The following NUDT13 variants were observed in gnomAD, a reference collection of about 807,000 sequenced individuals.
NUDT13 encodes the protein NAD(P)H pyrophosphatase NUDT13, mitochondrial.
NUDT13 carries 40 observed loss-of-function variants against 41.7 expected under a neutral mutation model. The observed-to-expected ratio is 0.96, with a 90% CI of 0.75 to 1.25. The LOEUF (loss-of-function observed/expected upper bound fraction) is 1.25. Among genes scored for constraint, NUDT13 ranks in the 50% most tolerant of loss-of-function variants. The pLI is 0.00. For synonymous variants in NUDT13, 145 were observed against 155.5 expected (o/e 0.93, Z 0.50); for missense variants, 390 against 416.1 (o/e 0.94, Z 0.55).
At chr10:73,122,058 C>A in intron 3 of NUDT13, 117 bp from the exon 4 acceptor site, 1 of 1,198,538 alleles carries the variant, frequency 8.3e-7, no homozygotes, top group Non-Finnish European at 1.2e-6. Flanking sequence ...CAGTTGGAAG[C>A]CAAGTATACC....
Position 73,130,962 on chromosome 10 carries a change from G to C in NUDT13, c.*59G>C. On this transcript the variant is annotated 3_prime_UTR_variant, in exon 9 of 9. Coordinates refer to ENST00000357321, the MANE Select transcript of NUDT13 (RefSeq NM_015901.6). ...TTCCTGAGGGACAAACTAGAGATCA[G>C]TTGACAAAGGAGAAGTGACAAAAGA... 4.2e-6 allele frequency: 6 copies of C among 1,428,240 alleles called. No homozygotes were observed. In the South Asian group the frequency reaches 6.9e-5, roughly 17 times the overall value. 88.5% of individuals were successfully genotyped at this position (1,428,240 alleles called of 1,614,324 possible).
In NUDT13 at chr10:73,114,339, C is replaced by CTTTT; in HGVS notation, c.-9-7_-9-4dup. On this transcript the variant is annotated splice_polypyrimidine_tract_variant and intron_variant, in intron 1 of 8. Coordinates refer to ENST00000357321, the MANE Select transcript of NUDT13 (RefSeq NM_015901.6). ...CATATTATGACTTTTTTTAAAACTC[C>CTTTT]TTTTTTTTTTTTTTAAGGACCTGAC... 2.2e-5 allele frequency: 24 copies of CTTTT among 1,081,134 alleles called. No individual in the cohort carries two copies. Among genetic ancestry groups the CTTTT allele is most frequent in the South Asian group, 7.0e-5 (4 of 57,006 alleles). The allele number at this position is 1,081,134 out of a possible 1,614,324, so 67.0% of individuals were successfully genotyped here.
At chr10:73,122,090 A>G (rs1430873347) in intron 3 of NUDT13, 85 bp from the exon 4 acceptor site, 2 of 1,458,214 alleles carry the variant, frequency 1.4e-6, no homozygotes, top group Non-Finnish European at 1.8e-6. Context: ...GAAGTAGATG[A>G]TTTTCTGTGA....
At chr10:73,123,993 GAT>G (rs1461901479) in intron 4 of NUDT13, among the ~76,000 whole-genome samples, 1 of 151,818 alleles carries the variant, frequency 6.6e-6, no homozygotes, top group Non-Finnish European at 1.5e-5. Flanking sequence ...TCACAGGTAA[GAT>G]CATAGCGCAC....
Position 73,114,391 on chromosome 10 carries a change from G to A in NUDT13, c.26G>A (p.Cys9Tyr). MSLYCGIA[C>Y]RRKFFWCYRL... ...ATGTCCCTGTATTGTGGAATAGCTT[G>A]CAGGAGAAAATTTTTTTGGTGCTAT... The change falls in exon 2 of 9, where the codon TGC becomes TAC. Residue 9 changes from cysteine (C) to tyrosine (Y), a missense_variant. Physicochemically the swap from Cys to Tyr is radical, Grantham distance 194. Transcript: ENST00000357321. The A allele has an allele frequency of 6.3e-7, 1 of 1,587,230 alleles. No individual in the cohort carries two copies. Among genetic ancestry groups the A allele is most frequent in the Non-Finnish European group, 8.6e-7 (1 of 1,163,780 alleles).
At chr10:73,115,303 A>G (rs1371431965) in intron 2 of NUDT13, 1 of 152,100 alleles carries the variant, frequency 6.6e-6, no homozygotes. Context: ...CAAACCCCCA[A>G]GTAGCTGGGA....
rs746588741 is a variant in NUDT13 at position 73,125,151 on chromosome 10, C to A, written c.499C>A (p.Gln167Lys). The A allele has an allele frequency of 6.2e-7, 1 of 1,613,158 alleles. No individual in the cohort carries two copies. The highest frequency in any genetic ancestry group is 8.5e-7 in the Non-Finnish European group (1 of 1,179,784). ...QALLRWHDAH[Q>K]FCSRSGQPTK... ...TCTTCTCCGCTGGCATGATGCTCAT[C>A]AGTTCTGCAGCAGAAGTGGGCAGCC... Residue 167 changes from glutamine (Q) to lysine (K), a missense_variant, in exon 6 of 9, where the codon CAG (glutamine) becomes AAG (lysine). Coordinates refer to ENST00000357321, the MANE Select transcript of NUDT13 (RefSeq NM_015901.6).
At chr10:73,116,876 ATTTTTTTTTTTTTTT>A (rs56229464) in intron 2 of NUDT13, among the ~76,000 whole-genome samples, 2 of 81,836 alleles carry the variant, frequency 2.4e-5, no homozygotes, top group Admixed American at 2.8e-4. Context: ...GACTACAAGA[ATTTTTTTTTTTTTTT>A]TTTTTTTTTT....
chr10:73,125,883 G>A (rs1032665998), intron 7 of NUDT13, among the ~76,000 whole-genome samples: 30 of 151,718 alleles, frequency 2.0e-4, no homozygotes, highest in Non-Finnish European at 2.2e-4. Flanking sequence ...ACAGGGTCTC[G>A]CCGTGTTGCC....
intron 5 of NUDT13, 117 bp from the exon 6 acceptor site, chr10:73,125,001 G>A: frequency 8.7e-7 from 1 of 1,151,898 alleles, no homozygotes; most frequent in Admixed American, 2.7e-5. Flanking sequence ...TAAATTACGT[G>A]AGCTGTAAAG....
chr10:73,114,612 C>CAT lies in NUDT13; in HGVS notation c.83+177_83+178dup, dbSNP rs375808108. ...GTGTGTGTGTGTATATATATATATT[C>CAT]ATATATATATATATTCATCCATGGT... On this transcript the variant is annotated intron_variant, in intron 2 of 8. Coordinates refer to ENST00000357321, the MANE Select transcript of NUDT13 (RefSeq NM_015901.6). Among the ~76,000 whole-genome samples the CAT allele has an allele frequency of 4.5e-3, 661 of 146,374 alleles. 1 individual carries two copies. The highest frequency in any genetic ancestry group is 7.6e-3 in the South Asian group (35 of 4,610).
chr10:73,118,864 C>T lies in NUDT13; in HGVS notation c.84-1154C>T, dbSNP rs144848754. On this transcript the variant is annotated intron_variant, in intron 2 of 8. Transcript: ENST00000357321. The stretch of plus-strand genomic sequence containing the variant: ...GGGCATGCCTGTAATCCCAGGTACT[C>T]GGGAGGCTGAGGCACGAGAATTGCC... 2.5e-3 allele frequency among the ~76,000 whole-genome samples: 376 copies of T among 151,628 alleles called. 8 individuals are homozygous for T. The highest frequency in any genetic ancestry group is 8.2e-3 in the African/African-American group (340 of 41,364).
At chr10:73,113,765 T>TA (rs763996711) in intron 1 of NUDT13, among the ~76,000 whole-genome samples, 1 of 152,248 alleles carries the variant, frequency 6.6e-6, no homozygotes, top group Non-Finnish European at 1.5e-5. Flanking sequence ...GAAGTAGGAC[T>TA]AAATTTTAGA....
chr10:73,124,940 A>C (rs1175848020), intron 5 of NUDT13, 178 bp from the exon 6 acceptor site: 1 of 557,870 alleles, frequency 1.8e-6, no homozygotes, highest in African/African-American at 1.9e-5. Context: ...CTGATGCTAG[A>C]GGAATATGTT....
intron 3 of NUDT13, among the ~76,000 whole-genome samples, chr10:73,121,776 C>T (rs1318960508): frequency 6.6e-6 from 1 of 152,084 alleles, no homozygotes; most frequent in Non-Finnish European, 1.5e-5. Context: ...CCAGGCTGGT[C>T]CCAAACTCCT....
chr10:73,130,487 TACACAC>T, intron 8 of NUDT13: 1 of 286,660 alleles, frequency 3.5e-6, no homozygotes, highest in South Asian at 4.2e-5. Flanking sequence ...TATATATATA[TACACAC>T]ACACACACAC....
chr10:73,124,548 T>C (rs1184068821), intron 5 of NUDT13: 2 of 488,148 alleles, frequency 4.1e-6, no homozygotes, highest in Non-Finnish European at 7.3e-6. Flanking sequence ...CCTAAAGACA[T>C]GCAGATCTAT....
intron 3 of NUDT13, 43 bp from the exon 4 acceptor site, chr10:73,122,132 C>A (rs1275129887): frequency 1.8e-5 from 28 of 1,595,780 alleles, no homozygotes; most frequent in Non-Finnish European, 2.3e-5. Context: ...TTAATAGAAA[C>A]CCTTGTGTTT....
At chr10:73,123,324 T>C (rs534745543) in intron 4 of NUDT13, among the ~76,000 whole-genome samples, 3 of 152,324 alleles carry the variant, frequency 2.0e-5, no homozygotes, top group Admixed American at 6.5e-5. Flanking sequence ...AGACCTGCCA[T>C]TGGGAACCAC....
Sources: gnomAD v4.1 joint callset for allele counts (sites outside exome capture counted in the v4.1 genomes callset) on GRCh38, gnomAD v4.1.1 for gene constraint, MANE v1.5 for transcripts, NCBI Gene and HGNC (gene_info 2026-07-23, HGNC 2026-07-21) for gene names.